The following ZGPAT variants were observed in gnomAD, a reference collection of about 807,000 sequenced individuals.
ZGPAT encodes the protein zinc finger CCCH-type and G-patch domain containing, also known as zinc finger CCCH-type with G patch domain-containing protein.
ZGPAT carries 39 observed loss-of-function variants against 47.9 expected under a neutral mutation model. The observed-to-expected ratio is 0.81, with a 90% CI of 0.63 to 1.06. ZGPAT has a LOEUF of 1.06. Ranked by LOEUF, ZGPAT falls within the 50% of genes least tolerant of loss-of-function variation. The pLI is 0.00. For missense variants in ZGPAT, 717 were observed against 681.4 expected (o/e 1.05, Z -0.58); for synonymous variants, 348 against 292.9 (o/e 1.19, Z -1.92).
intron 2 of ZGPAT, among the ~76,000 whole-genome samples, chr20:63,714,918 G>A (rs1316585298): frequency 1.3e-5 from 2 of 152,050 alleles, no homozygotes; most frequent in Non-Finnish European, 2.9e-5. Flanking sequence ...TGAGATTACA[G>A]GGGTGAGTCA....
At chr20:63,718,781 T>C (rs955957920) in intron 2 of ZGPAT, among the ~76,000 whole-genome samples, 5 of 151,518 alleles carry the variant, frequency 3.3e-5, no homozygotes, top group African/African-American at 1.2e-4. Context: ...AAAAATGCCA[T>C]CTTGGCTGGG....
intron 2 of ZGPAT, chr20:63,730,193 C>G (rs1204652391): frequency 1.3e-5 from 2 of 152,154 alleles, no homozygotes; most frequent in African/African-American, 2.4e-5. Context: ...GGGTTTAACC[C>G]TCTCTTTTTG....
chr20:63,711,099 G>A (rs1210714093), intron 2 of ZGPAT, among the ~76,000 whole-genome samples: 6 of 150,318 alleles, frequency 4.0e-5, no homozygotes, highest in East Asian at 2.0e-4. Flanking sequence ...GCACAATCTC[G>A]GCTCACTGCA....
chr20:63,726,176 C>G (rs1205544704), intron 2 of ZGPAT, among the ~76,000 whole-genome samples: 1 of 149,754 alleles, frequency 6.7e-6, no homozygotes, highest in Non-Finnish European at 1.5e-5. Context: ...TCTGCCATCT[C>G]AAATCTGCCG....
At chr20:63,732,207 CTG>C (rs569238659) in intron 2 of ZGPAT, among the ~76,000 whole-genome samples, 67 of 135,792 alleles carry the variant, frequency 4.9e-4, no homozygotes, top group Middle Eastern at 5.6e-3. Flanking sequence ...GCGGGTGCAT[CTG>C]TGTGTGCATG....
At chr20:63,707,991 C>A (rs1483803991), upstream of ZGPAT, 2 of 152,054 alleles carry the variant, frequency 1.3e-5, no homozygotes, top group African/African-American at 4.8e-5. Flanking sequence ...TGAACCGCGT[C>A]CCAGCGGCCT....
intron 2 of ZGPAT, among the ~76,000 whole-genome samples, chr20:63,715,191 G>A (rs1245700767): frequency 6.6e-6 from 1 of 150,780 alleles, no homozygotes; most frequent in African/African-American, 2.4e-5. Flanking sequence ...CTCAGCCTCC[G>A]AAAGCGCTGG....
chr20:63,715,798 G>C (rs1174542350), intron 2 of ZGPAT, among the ~76,000 whole-genome samples: 1 of 151,854 alleles, frequency 6.6e-6, no homozygotes, highest in Non-Finnish European at 1.5e-5. Context: ...ATGTTTGATA[G>C]AATTCAACAG....
intron 2 of ZGPAT, among the ~76,000 whole-genome samples, chr20:63,713,159 C>G (rs1175113407): frequency 6.6e-6 from 1 of 151,696 alleles, no homozygotes; most frequent in Admixed American, 6.6e-5. Flanking sequence ...GCAACCTCTG[C>G]CTCCCGGGTT....
At position 63,708,626 on chromosome 20, in the gene ZGPAT, C is replaced by A. The variant is rs762898001; in HGVS notation, c.46C>A (p.Gln16Lys). Residue 16 changes from glutamine to lysine, a missense_variant, in exon 2 of 7, where the codon CAG becomes AAG. Coordinates refer to ENST00000355969, the MANE Select transcript of ZGPAT (RefSeq NM_181485.3). ...LESALQTYRAQLQQVELALGA... is the reference protein window; with the variant it reads ...LESALQTYRAKLQQVELALGA... ...GTCGGCCTTGCAGACCTACCGTGCG[C>A]AGCTGCAGCAGGTGGAGCTGGCCTT... 1.2e-6 allele frequency: 2 copies of A among 1,611,478 alleles called. No homozygotes were observed. The highest frequency in any genetic ancestry group is 3.3e-5 in the Admixed American group (2 of 59,948).
In ZGPAT at chr20:63,733,346, A is replaced by T; in HGVS notation, c.712A>T (p.Ile238Phe). Residue 238 changes from isoleucine to phenylalanine, a missense_variant, in exon 3 of 7, where the codon ATC (isoleucine) becomes TTC (phenylalanine). Transcript: ENST00000355969. ...HQDGLWHAAR[I>F]TDVDNGYYTV... ...GGATGGCCTCTGGCACGCAGCACGC[A>T]TCACCGGTGAGGCTGGCCGTGGGGG... is the stretch of plus-strand genomic sequence containing the variant. 6.2e-7 allele frequency: 1 copy of T among 1,611,244 alleles called. No individual in the cohort carries two copies. The highest frequency in any genetic ancestry group is 8.5e-7 in the Non-Finnish European group (1 of 1,179,632).
intron 2 of ZGPAT, among the ~76,000 whole-genome samples, chr20:63,709,665 G>T (rs2091636453): frequency 6.6e-6 from 1 of 150,524 alleles, no homozygotes; most frequent in Non-Finnish European, 1.5e-5. Flanking sequence ...CCTATCGTCA[G>T]TTTTTTTTTG....
chr20:63,710,102 C>T (rs1398390361), intron 2 of ZGPAT, among the ~76,000 whole-genome samples: 24 of 151,634 alleles, frequency 1.6e-4, no homozygotes, highest in Non-Finnish European at 8.8e-5. Context: ...CCTCGTGATC[C>T]GCCCACCTTG....
rs1303929588 is a variant in ZGPAT at position 63,733,297 on chromosome 20, C to G, written c.663C>G (p.Gly221=). ...CAGACCTGAGCTCCCTGCAGGCCGG[C>G]TCTGCGTGTCTGGCCAAGCACCAGG... The part of the protein sequence containing the change: ...QDPDLSSLQA[G]SACLAKHQDG... Residue 221 remains glycine, a synonymous_variant, in exon 3 of 7, where the codon GGC becomes GGG. Coordinates refer to ENST00000355969, the MANE Select transcript of ZGPAT (RefSeq NM_181485.3). The G allele has an allele frequency of 2.2e-5, 35 of 1,613,452 alleles. No homozygotes were observed. The highest frequency in any genetic ancestry group is 3.0e-5 in the Non-Finnish European group (35 of 1,179,958).
At chr20:63,733,036 ATGTGTG>A (rs113843559) in intron 2 of ZGPAT, among the ~76,000 whole-genome samples, 177 bp from the exon 3 acceptor site, 5 of 151,268 alleles carry the variant, frequency 3.3e-5, no homozygotes, top group African/African-American at 9.7e-5. Context: ...GAGTGTGTGC[ATGTGTG>A]TGTGTATGTG....
At chr20:63,716,587 C>T (rs2091731098) in intron 2 of ZGPAT, among the ~76,000 whole-genome samples, 1 of 151,166 alleles carries the variant, frequency 6.6e-6, no homozygotes, top group Non-Finnish European at 1.5e-5. Flanking sequence ...GATCTTGGCT[C>T]ACTGCAACCC....
intron 2 of ZGPAT, among the ~76,000 whole-genome samples, chr20:63,725,637 A>ATGTTT (rs922169699): frequency 3.4e-4 from 52 of 151,198 alleles, no homozygotes; most frequent in Non-Finnish European, 1.2e-4. Flanking sequence ...TCATAGATTA[A>ATGTTT]TGTTTTGTTT....
intron 2 of ZGPAT, among the ~76,000 whole-genome samples, chr20:63,724,773 G>C (rs1307293574): frequency 1.3e-5 from 2 of 150,126 alleles, no homozygotes; most frequent in African/African-American, 4.9e-5. Flanking sequence ...TCCCTGGTTA[G>C]AGTGATTTTC....
At chr20:63,707,851 A>ACAGCCTGCGGC (rs1400058738), upstream of ZGPAT, 1 of 152,466 alleles carries the variant, frequency 6.6e-6, no homozygotes, top group Non-Finnish European at 1.5e-5. Flanking sequence ...GCCTCACCGC[A>ACAGCCTGCGGC]CAGCCTGCGG....
Sources: gnomAD v4.1 joint callset for allele counts (sites outside exome capture counted in the v4.1 genomes callset) on GRCh38, gnomAD v4.1.1 for gene constraint, MANE v1.5 for transcripts, NCBI Gene and HGNC (gene_info 2026-07-23, HGNC 2026-07-21) for gene names.